The following COG7 variants were observed in gnomAD, a reference collection of about 807,000 sequenced individuals.
The protein encoded by COG7 is component of oligomeric golgi complex 7.
Under a neutral mutation model 91.5 loss-of-function variants are expected in COG7, and 49 were observed. The observed-to-expected ratio is 0.54, with a 90% CI of 0.43 to 0.68. COG7 has a LOEUF of 0.68. Ranked by LOEUF, COG7 falls within the 30% of genes least tolerant of loss-of-function variation. The probability of loss-of-function intolerance (pLI) is 0.00; values close to 1 mark genes in which losing one functional copy is unlikely to be tolerated. For missense variants in COG7, 895 were observed against 961.3 expected, an observed-to-expected ratio of 0.93 and a Z score of 0.91; for synonymous variants, 365 against 388.7, an observed-to-expected ratio of 0.94 and a Z score of 0.72.
At position 23,417,076 on chromosome 16, in the gene COG7, C is replaced by T. The variant is rs369307885; in HGVS notation, c.1183G>A (p.Val395Met). Residue 395 changes from valine to methionine, a missense_variant, in exon 9 of 17, where the codon GTG (valine) becomes ATG (methionine). Physicochemically the swap from Val to Met is conservative, Grantham distance 21 (BLOSUM62 1). Coordinates refer to ENST00000307149, the MANE Select transcript of COG7 (RefSeq NM_153603.4). ...GACGCCAGACCAAACAGCTTGTTCA[C>T]GGAGTGGCTCAGCTCCTGCACACAG... ...IDCVQELSHSVNKLFGLASAA... is the reference protein window; with the variant it reads ...IDCVQELSHSMNKLFGLASAA... 3.2e-5 allele frequency: 52 copies of T among 1,614,104 alleles called. No homozygotes were observed. The highest frequency in any genetic ancestry group is 5.3e-5 in the African/African-American group (4 of 74,932).
intron 6 of COG7, 95 bp from the exon 7 acceptor site, chr16:23,425,042 G>T: frequency 4.8e-6 from 5 of 1,036,124 alleles, no homozygotes; most frequent in Non-Finnish European, 7.2e-6. Context: ...AGGCACGGTG[G>T]CTTATGCCTA....
intron 2 of COG7, among the ~76,000 whole-genome samples, chr16:23,445,496 T>C (rs941341646): frequency 4.0e-5 from 6 of 151,892 alleles, no homozygotes; most frequent in African/African-American, 1.5e-4. Flanking sequence ...CTACTAAAAA[T>C]ACAAAAATCA....
At chr16:23,419,748 C>CA (rs60636268) in intron 7 of COG7, among the ~76,000 whole-genome samples, 5,660 of 55,014 alleles carry the variant, frequency 0.1, 521 homozygotes, top group African/African-American at 0.22. Flanking sequence ...GACTTCATCT[C>CA]AAAAAAAAAA....
At position 23,452,946 on chromosome 16, in the gene COG7, TC is replaced by T; in HGVS notation, c.48del (p.Trp16Ter). On this transcript the variant is annotated frameshift_variant, in exon 1 of 17. Coordinates refer to ENST00000307149, the MANE Select transcript of COG7 (RefSeq NM_153603.4). LOFTEE classifies it high-confidence loss of function. ...GAGCCGGCCCTGAAGGCCGCATTGA[TC>T]CACTCCTTCACGTCGAAGTCGTCTG... ...FLADDFDVKE[W>X]INAAFRAGSK... The T allele has an allele frequency of 6.2e-7, 1 of 1,614,114 alleles. No homozygotes were observed.
Position 23,406,067 on chromosome 16 carries a change from G to A in COG7, c.1662+9C>T, listed in dbSNP as rs1218813439. On this transcript the variant is annotated intron_variant, in intron 12 of 16. Transcript: ENST00000307149. The stretch of plus-strand genomic sequence containing the variant: ...CATTTGCAAGAATGCCATTCATTTG[G>A]TCTCATACCTTAAGGGTATAAAGTA... 6.2e-7 allele frequency: 1 copy of A among 1,611,106 alleles called. No individual in the cohort carries two copies. The highest frequency in any genetic ancestry group is 1.7e-5 in the Admixed American group (1 of 60,016).
chr16:23,452,790 G>T, intron 1 of COG7, 36 bp downstream of exon 1: 2 of 1,591,918 alleles, frequency 1.3e-6, no homozygotes, highest in Non-Finnish European at 8.5e-7. Flanking sequence ...CCGAGAGCAG[G>T]GGAGGGTCCC....
rs1369981041 is a variant in COG7, at chr16:23,442,561, A to G, written c.520T>C (p.Cys174Arg). The change falls in exon 4 of 17, where the codon TGT becomes CGT. Residue 174 changes from cysteine to arginine, a missense_variant. Transcript: ENST00000307149. The stretch of plus-strand genomic sequence containing the variant: ...TTCTTCAGTGCCTCCAAGTGCACAC[A>G]CTTTTCTGAGTAGTCTGGTGTATCA... ...LVDTPDYSEK[C>R]VHLEALKNRL... 3.1e-6 allele frequency: 5 copies of G among 1,614,018 alleles called. No homozygotes were observed. Among genetic ancestry groups the G allele is most frequent in the African/African-American group, 1.3e-5 (1 of 74,920 alleles).
At position 23,433,673 on chromosome 16, in the gene COG7, G is replaced by A. The variant is rs2142087500; in HGVS notation, c.688-6C>T. 1.2e-6 allele frequency: 2 copies of A among 1,614,018 alleles called. No homozygotes were observed. The highest frequency in any genetic ancestry group is 1.7e-6 in the Non-Finnish European group (2 of 1,179,984). ...CAGGCTGCTAAAAGCTGCACCTGCA[G>A]AGACAGAACAAAGGGAACCTTATTG... On this transcript the variant is annotated splice_region_variant and splice_polypyrimidine_tract_variant and intron_variant, in intron 5 of 16. Coordinates refer to ENST00000307149, the MANE Select transcript of COG7 (RefSeq NM_153603.4).
In COG7 at chr16:23,449,089, C is replaced by A. The variant is rs575948399; in HGVS notation, c.170-3128G>T. ...AACTAAAAAAGCTCCCACAGCCAGG[C>A]GCAGTGGCTCACGCCTATAATCCCA... On this transcript the variant is annotated intron_variant, in intron 1 of 16. Coordinates refer to ENST00000307149, the MANE Select transcript of COG7 (RefSeq NM_153603.4). Among the ~76,000 whole-genome samples, 12 of 152,304 alleles carry A rather than the reference C, an allele frequency of 7.9e-5. No individual in the cohort carries two copies. The South Asian group carries it at 2.5e-3, about 32-fold the overall frequency.
At chr16:23,442,728 C>T (rs1964121473) in intron 3 of COG7, 83 bp from the exon 4 acceptor site, 3 of 1,222,142 alleles carry the variant, frequency 2.5e-6, no homozygotes, top group South Asian at 2.4e-5. Flanking sequence ...CATGAAAAGG[C>T]AACTCATCAA....
Position 23,424,923 on chromosome 16 carries a change from C to T in COG7, c.835G>A (p.Val279Ile), listed in dbSNP as rs367796897. The change falls in exon 7 of 17, where the codon GTA (valine) becomes ATA (isoleucine). Residue 279 changes from valine to isoleucine, a missense_variant. Coordinates refer to ENST00000307149, the MANE Select transcript of COG7 (RefSeq NM_153603.4). ...TQVFQKPHEV[V>I]MVLLIQTLGA... The stretch of plus-strand genomic sequence containing the variant: ...AGGGTCTGAATCAGCAGCACCATTA[C>T]CACCTCGTGGGGCTTCTGGAAAACC... 5.4e-4 allele frequency: 863 copies of T among 1,611,436 alleles called. 11 individuals carry two copies. In the South Asian group the frequency reaches 8.0e-3, roughly 15 times the overall value.
In COG7 at chr16:23,403,602, C is replaced by A. The variant is rs1034173087; in HGVS notation, c.1803+92G>T. 9 of 1,521,874 alleles carry A rather than the reference C, an allele frequency of 5.9e-6. No homozygotes were observed. In the African/African-American group the frequency reaches 1.1e-4, roughly 19 times the overall value. The allele number at this position is 1,521,874 out of a possible 1,614,324, so 94.3% of individuals were successfully genotyped here. A position where few individuals can be genotyped will look rare whatever the true frequency, so the allele number is the denominator to read the frequency against. On this transcript the variant is annotated intron_variant, in intron 13 of 16. Coordinates refer to ENST00000307149, the MANE Select transcript of COG7 (RefSeq NM_153603.4). ...AAGTTAAAGCGGGATCTTCCCAAAGCTCTTGGAACAGGGAGGGTTAAGCCC... is the reference window on the plus strand; with the variant it reads ...AAGTTAAAGCGGGATCTTCCCAAAGATCTTGGAACAGGGAGGGTTAAGCCC...
At chr16:23,402,154 A>G (rs1446995172) in intron 13 of COG7, among the ~76,000 whole-genome samples, 4 of 152,204 alleles carry the variant, frequency 2.6e-5, no homozygotes, top group Non-Finnish European at 4.4e-5. Flanking sequence ...ATAAAATTAT[A>G]TTGTGCATAT....
In COG7 at chr16:23,398,055, G is replaced by A. The variant is rs1349558564; in HGVS notation, c.1878C>T (p.Tyr626=). Reference sequence around the variant, plus strand: ...ACACAGAAGCTCTTACGTTGCTGATGTACTCGAGAGGGGTGAGACTAAAGG... The same window carrying A: ...ACACAGAAGCTCTTACGTTGCTGATATACTCGAGAGGGGTGAGACTAAAGG... The part of the protein sequence containing the change: ...LPAFSLTPLE[Y]ISNIGQYIMS... Residue 626 remains tyrosine, a synonymous_variant, in exon 14 of 17, where the codon TAC becomes TAT. Transcript: ENST00000307149. The A allele has an allele frequency of 7.4e-6, 12 of 1,613,900 alleles. No individual in the cohort carries two copies. The Admixed American group carries it at 1.5e-4, about 20-fold the overall frequency.
intron 14 of COG7, among the ~76,000 whole-genome samples, chr16:23,397,777 ACT>A (rs1296950065): frequency 6.6e-6 from 1 of 152,052 alleles, no homozygotes; most frequent in African/African-American, 2.4e-5. Flanking sequence ...TTCCCATTAG[ACT>A]CTCAACTCTG....
In COG7 at chr16:23,418,689, T is replaced by C. The variant is rs74012174; in HGVS notation, c.1137+11A>G. ...TGCTTCCTCAGTGGCCCCAGGACACTGCGACTTTACCAGAGGCACAGCACT... is the reference window on the plus strand; with the variant it reads ...TGCTTCCTCAGTGGCCCCAGGACACCGCGACTTTACCAGAGGCACAGCACT... On this transcript the variant is annotated intron_variant, in intron 8 of 16. Transcript: ENST00000307149. The C allele has an allele frequency of 2.0e-5, 33 of 1,612,936 alleles. No homozygotes were observed. The Admixed American group carries it at 5.0e-4, about 24-fold the overall frequency.
intron 16 of COG7, chr16:23,391,915 C>T: frequency 1.1e-6 from 1 of 872,334 alleles, no homozygotes; most frequent in Non-Finnish European, 1.5e-6. Context: ...ATGGAACTGC[C>T]CTGGGCCTCC....
chr16:23,409,088 T>TGTGTGTGTGTGTGCGCGCGC (rs567307217), intron 11 of COG7, among the ~76,000 whole-genome samples: 47 of 147,910 alleles, frequency 3.2e-4, no homozygotes, highest in African/African-American at 7.6e-4. Context: ...TGTGTGTGTG[T>TGTGTGTGTGTGTGCGCGCGC]GCGTGCATGT....
intron 6 of COG7, 113 bp from the exon 7 acceptor site, chr16:23,425,060 A>G (rs1963823932): frequency 2.2e-6 from 2 of 909,576 alleles, no homozygotes; most frequent in Admixed American, 2.1e-5. Context: ...CTATAATCCC[A>G]GCACCTTGGG....
Sources: allele counts gnomAD v4.1 joint callset (sites outside exome capture counted in the v4.1 genomes callset), GRCh38; gene constraint gnomAD v4.1.1; transcripts MANE v1.5; gene names NCBI Gene and HGNC (gene_info 2026-07-23, HGNC 2026-07-21).